CYP27A1: variants seen among roughly 807,000 people sequenced by gnomAD.
The protein encoded by CYP27A1 is cytochrome P450 family 27 subfamily A member 1.
In CYP27A1, 46 loss-of-function variants were observed where a neutral mutation model predicts 58.2. That is an observed-to-expected ratio of 0.79 (90% confidence interval 0.62 to 1.01). The LOEUF (loss-of-function observed/expected upper bound fraction) is 1.01, where lower values mean the gene tolerates loss of function less well. Ranked by LOEUF, CYP27A1 falls within the 50% of genes least tolerant of loss-of-function variation. The pLI is 0.00. For synonymous variants in CYP27A1, 274 were observed against 285.1 expected, an observed-to-expected ratio of 0.96 and a Z score of 0.39; for missense variants, 704 against 687.0, an observed-to-expected ratio of 1.02 and a Z score of -0.28.
chr2:218,812,878 C>A, intron 4 of CYP27A1, 46 bp from the exon 5 acceptor site: 4 of 1,613,328 alleles, frequency 2.5e-6, no homozygotes, highest in Non-Finnish European at 3.4e-6. Flanking sequence ...CCTTGGAGAT[C>A]ATGACTTTTG....
At chr2:218,814,798 G>T (rs762253767) in intron 8 of CYP27A1, 41 bp downstream of exon 8, 4 of 1,613,444 alleles carry the variant, frequency 2.5e-6, no homozygotes, top group Non-Finnish European at 3.4e-6. Context: ...GGCAGGGAGG[G>T]GTGGAGGAGT....
chr2:218,798,191 G>T (rs1221844302), intron 1 of CYP27A1, among the ~76,000 whole-genome samples: 1 of 152,100 alleles, frequency 6.6e-6, no homozygotes, highest in African/African-American at 2.4e-5. Context: ...TTCTAGTAGA[G>T]ATGGGGTTTC....
chr2:218,803,750 T>TTTTG (rs1943623258), intron 1 of CYP27A1, among the ~76,000 whole-genome samples: 1 of 91,050 alleles, frequency 1.1e-5, no homozygotes, highest in African/African-American at 5.0e-5. Context: ...TTTTTTTTTT[T>TTTTG]AGATGGGAGT....
Position 218,812,436 on chromosome 2 carries a change from A to C in CYP27A1, c.646+15A>C. The C allele has an allele frequency of 6.2e-7, 1 of 1,613,878 alleles. No individual in the cohort carries two copies. Among genetic ancestry groups the C allele is most frequent in the South Asian group, 1.1e-5 (1 of 91,068 alleles). On this transcript the variant is annotated intron_variant, in intron 3 of 8. Transcript: ENST00000258415. ...TGCCTTGGAAGGTACCCTTGCTGGGAGAGGGGCTGGGGAAGGGAATGGGTC... is the reference window on the plus strand; with the variant it reads ...TGCCTTGGAAGGTACCCTTGCTGGGCGAGGGGCTGGGGAAGGGAATGGGTC...
rs587778812 is a variant in CYP27A1 at position 218,812,723 on chromosome 2, AT to A, written c.819del (p.Asp273GlufsTer13). ...PVLPFWKRYL[D>X]GWNAIFSFGK... The stretch of plus-strand genomic sequence containing the variant: ...CTGCCTTTCTGGAAGCGATACCTGG[AT>A]GGTTGGAATGCCATCTTTTCCTTTG... On this transcript the variant is annotated frameshift_variant, in exon 4 of 9. Coordinates refer to ENST00000258415, the MANE Select transcript of CYP27A1 (RefSeq NM_000784.4). LOFTEE classifies it high-confidence loss of function. The A allele has an allele frequency of 6.2e-7, 1 of 1,614,042 alleles. No individual in the cohort carries two copies. The highest frequency in any genetic ancestry group is 8.5e-7 in the Non-Finnish European group (1 of 1,180,018).
intron 1 of CYP27A1, among the ~76,000 whole-genome samples, chr2:218,784,875 C>T (rs961103898): frequency 6.6e-6 from 1 of 152,140 alleles, no homozygotes; most frequent in Non-Finnish European, 1.5e-5. Context: ...GAAATCACTT[C>T]TTGTGAACCC....
At chr2:218,785,007 T>C (rs1055216146) in intron 1 of CYP27A1, among the ~76,000 whole-genome samples, 7 of 152,224 alleles carry the variant, frequency 4.6e-5, no homozygotes, top group African/African-American at 1.7e-4. Context: ...ATTTATTGTG[T>C]ATTTTATTTC....
Position 218,812,639 on chromosome 2 carries a change from G to C in CYP27A1, c.734G>C (p.Gly245Ala), listed in dbSNP as rs1943734288. 7 of 1,614,196 alleles carry C rather than the reference G, an allele frequency of 4.3e-6. No individual in the cohort carries two copies. The East Asian group carries it at 1.3e-4, about 31-fold the overall frequency. ...ACCGTGACCTTCGTCAGATCCATCG[G>C]GTTAATGTTCCAGAACTCACTCTAT... ...EDTVTFVRSI[G>A]LMFQNSLYAT... is the part of the protein sequence containing the mutation. The change falls in exon 4 of 9, where the codon GGG becomes GCG. Residue 245 changes from glycine to alanine, a missense_variant. Coordinates refer to ENST00000258415, the MANE Select transcript of CYP27A1 (RefSeq NM_000784.4).
intron 1 of CYP27A1, among the ~76,000 whole-genome samples, chr2:218,799,419 G>T (rs1943578383): frequency 6.6e-6 from 1 of 152,038 alleles, no homozygotes; most frequent in African/African-American, 2.4e-5. Context: ...TACCATAAAC[G>T]TCACACGGTG....
intron 1 of CYP27A1, among the ~76,000 whole-genome samples, chr2:218,789,385 G>A (rs768402941): frequency 1.2e-4 from 18 of 152,300 alleles, no homozygotes; most frequent in African/African-American, 3.6e-4. Flanking sequence ...ATCAGACAGC[G>A]TCCCGAGCCA....
At chr2:218,814,209 G>A (rs575111058) in intron 6 of CYP27A1, 22 bp downstream of exon 6, 10 of 1,614,000 alleles carry the variant, frequency 6.2e-6, no homozygotes, top group Non-Finnish European at 7.6e-6. Flanking sequence ...TGCTGTTCTG[G>A]GGGGCACAGG....
rs200883871 is a variant in CYP27A1, at chr2:218,814,696, G to C, written c.1415G>C (p.Gly472Ala). Reference protein sequence around the residue: ...HPFGSVPFGYGVRACLGRRIA... With the variant: ...HPFGSVPFGYAVRACLGRRIA... ...TTTGGCTCTGTGCCCTTTGGCTATG[G>C]GGTCCGGGCCTGCCTGGGCCGCAGG... is the stretch of plus-strand genomic sequence containing the variant. Residue 472 changes from glycine to alanine, a missense_variant, in exon 8 of 9, where the codon GGG (glycine) becomes GCG (alanine). Gly to Ala is a moderately conservative substitution (Grantham distance 60, BLOSUM62 0). Coordinates refer to ENST00000258415, the MANE Select transcript of CYP27A1 (RefSeq NM_000784.4). 36 of 1,614,186 alleles carry C rather than the reference G, an allele frequency of 2.2e-5. No individual in the cohort carries two copies. The East Asian group carries it at 7.1e-4, about 32-fold the overall frequency.
rs747003400 is a variant in CYP27A1, at chr2:218,782,396, C to T, written c.214C>T (p.Leu72=). 1.2e-5 allele frequency: 20 copies of T among 1,614,094 alleles called. No individual in the cohort carries two copies. The highest frequency in any genetic ancestry group is 1.7e-5 in the Non-Finnish European group (20 of 1,180,010). The stretch of plus-strand genomic sequence containing the variant: ...AGGACAGCTGCGCTTCTTCTTTCAG[C>T]TGTTCGTTCAAGGCTATGCCCTGCA... ...RLGQLRFFFQ[L]FVQGYALQLH... is the part of the protein sequence containing the mutation. The change falls in exon 1 of 9, where the codon CTG becomes TTG. Residue 72 remains leucine (L), a synonymous_variant. Coordinates refer to ENST00000258415, the MANE Select transcript of CYP27A1 (RefSeq NM_000784.4). This position sits in a 1 kb window ranked among gnomAD's most constrained non-coding sequence, Gnocchi z 4.1.
intron 1 of CYP27A1, among the ~76,000 whole-genome samples, chr2:218,801,272 A>C (rs1425638030): frequency 6.6e-6 from 1 of 152,234 alleles, no homozygotes; most frequent in Non-Finnish European, 1.5e-5. Context: ...TGGGAGGCCG[A>C]GGTGAGTGGA....
At chr2:218,788,556 G>T (rs1318317941) in intron 1 of CYP27A1, among the ~76,000 whole-genome samples, 1 of 152,142 alleles carries the variant, frequency 6.6e-6, no homozygotes, top group Non-Finnish European at 1.5e-5. Context: ...CCTAGGGAGA[G>T]AAATTATTAA....
intron 1 of CYP27A1, among the ~76,000 whole-genome samples, chr2:218,787,305 G>A (rs1392502159): frequency 1.3e-5 from 2 of 152,284 alleles, no homozygotes; most frequent in Middle Eastern, 6.8e-3. Flanking sequence ...CCCTGATCTG[G>A]GTTGTTTGAC....
Position 218,815,277 on chromosome 2 carries a change from T to G in CYP27A1, c.*247T>G. On this transcript the variant is annotated 3_prime_UTR_variant, in exon 9 of 9. Coordinates refer to ENST00000258415, the MANE Select transcript of CYP27A1 (RefSeq NM_000784.4). ...TGGGTAGAATATAAAATAAAGGGACTTTTATTTCTTATTGGAGACCTTTGT... is the reference window on the plus strand; with the variant it reads ...TGGGTAGAATATAAAATAAAGGGACGTTTATTTCTTATTGGAGACCTTTGT... 5.9e-6 allele frequency: 3 copies of G among 508,738 alleles called. No homozygotes were observed. In the South Asian group the frequency reaches 6.2e-5, roughly 11 times the overall value. The allele number at this position is 508,738 out of a possible 1,614,324, so 31.5% of individuals were successfully genotyped here. A position where few individuals can be genotyped will look rare whatever the true frequency, so the allele number is the denominator to read the frequency against.
intron 1 of CYP27A1, among the ~76,000 whole-genome samples, chr2:218,794,604 C>T (rs757937873): frequency 5.9e-5 from 9 of 152,118 alleles, no homozygotes; most frequent in Non-Finnish European, 8.8e-5. Context: ...ACCCTTTTGC[C>T]GGCGTGTTGG....
chr2:218,788,516 C>T (rs532392361), intron 1 of CYP27A1, among the ~76,000 whole-genome samples: 1 of 152,212 alleles, frequency 6.6e-6, no homozygotes, highest in South Asian at 2.1e-4. Context: ...TATCTTTAAT[C>T]CACTACACCC....
Sources: gnomAD v4.1 joint callset for allele counts (sites outside exome capture counted in the v4.1 genomes callset) on GRCh38, gnomAD v4.1.1 for gene constraint, Gnocchi (gnomAD v3.1) non-coding constraint, MANE v1.5 for transcripts, NCBI Gene and HGNC (gene_info 2026-07-23, HGNC 2026-07-21) for gene names.